Variants in NDC80 observed in about 807,000 individuals in gnomAD.
The protein encoded by NDC80 is NDC80 kinetochore complex component.
In NDC80, 69 loss-of-function variants were observed where a neutral mutation model predicts 89.3. The ratio of observed to expected loss-of-function variants is 0.77; its 90% confidence interval spans 0.64 to 0.94. NDC80 has a LOEUF of 0.94. Among genes scored for constraint, NDC80 ranks in the 40% least tolerant of loss-of-function variants. The probability of loss-of-function intolerance (pLI) is 0.00; values close to 1 mark genes in which losing one functional copy is unlikely to be tolerated. For missense variants in NDC80, 593 were observed against 739.6 expected (o/e 0.80, Z 2.30); for synonymous variants, 243 against 255.6 (o/e 0.95, Z 0.47).
chr18:2,606,797 C>G (rs77641602), intron 14 of NDC80, among the ~76,000 whole-genome samples: 2 of 152,094 alleles, frequency 1.3e-5, no homozygotes, highest in African/African-American at 4.8e-5. Flanking sequence ...CAAAACTAAA[C>G]AGAATCTCTC....
chr18:2,578,127 C>T lies in NDC80; in HGVS notation c.462C>T (p.Ile154=). The change falls in exon 5 of 17, where the codon ATC becomes ATT. Residue 154 remains isoleucine, a synonymous_variant. Transcript: ENST00000261597. ...AGTTTGAAGAAGAGGTTCCAAGAAT[C>T]TTTAAAGACCTTGGGTATGTATATT... is the stretch of plus-strand genomic sequence containing the variant. ...DTKFEEEVPR[I]FKDLGYPFAL... 1 of 1,613,716 alleles carries T rather than the reference C, an allele frequency of 6.2e-7. No homozygotes were observed.
At chr18:2,611,884 A>G (rs546453796) in intron 16 of NDC80, among the ~76,000 whole-genome samples, 3 of 151,930 alleles carry the variant, frequency 2.0e-5, no homozygotes, top group East Asian at 1.9e-4. Context: ...CTTGGTGCCA[A>G]TGGTCTTCAC....
At chr18:2,578,772 A>G (rs1203287698) in intron 5 of NDC80, among the ~76,000 whole-genome samples, 155 bp from the exon 6 acceptor site, 1 of 152,228 alleles carries the variant, frequency 6.6e-6, no homozygotes, top group Non-Finnish European at 1.5e-5. Context: ...CAGAGATAAG[A>G]TGACTAAGGA....
chr18:2,571,937 G>A (rs985321170), intron 1 of NDC80, among the ~76,000 whole-genome samples: 5 of 152,162 alleles, frequency 3.3e-5, no homozygotes, highest in African/African-American at 1.2e-4. Flanking sequence ...AGGCTCGGGA[G>A]AGGAAACGGG....
At chr18:2,572,184 G>T (rs1203822335) in intron 1 of NDC80, among the ~76,000 whole-genome samples, 3 of 152,232 alleles carry the variant, frequency 2.0e-5, no homozygotes, top group Non-Finnish European at 2.9e-5. Flanking sequence ...AAATCAAGAA[G>T]AGTCTAATCA....
chr18:2,577,696 G>T lies in NDC80; in HGVS notation c.180-50G>T, dbSNP rs2072554240. Reference sequence around the variant, plus strand: ...AACTGCCTTGAAATAATTTAGACTTGATCACAGAAGCAAATAGTTTTAACT... The same window carrying T: ...AACTGCCTTGAAATAATTTAGACTTTATCACAGAAGCAAATAGTTTTAACT... On this transcript the variant is annotated intron_variant, in intron 3 of 16. Coordinates refer to ENST00000261597, the MANE Select transcript of NDC80 (RefSeq NM_006101.3). 4 of 1,598,884 alleles carry T rather than the reference G, an allele frequency of 2.5e-6. No homozygotes were observed. In the Admixed American group the frequency reaches 5.3e-5, roughly 21 times the overall value.
chr18:2,573,430 A>G (rs1405068462), intron 2 of NDC80, among the ~76,000 whole-genome samples: 1 of 152,204 alleles, frequency 6.6e-6, no homozygotes, highest in Non-Finnish European at 1.5e-5. Context: ...TCACTGAGAT[A>G]TTTCCAATTA....
At chr18:2,587,605 A>C (rs1029248785) in intron 7 of NDC80, among the ~76,000 whole-genome samples, 1 of 152,176 alleles carries the variant, frequency 6.6e-6, no homozygotes, top group African/African-American at 2.4e-5. Context: ...ATCCAAATTT[A>C]AGTGTTATTT....
rs2072562062 is a variant in NDC80, at chr18:2,578,914, T to G, written c.477-13T>G. 1 of 1,407,868 alleles carries G rather than the reference T, an allele frequency of 7.1e-7. No individual in the cohort carries two copies. The highest frequency in any genetic ancestry group is 1.5e-5 in the South Asian group (1 of 67,784). The allele number at this position is 1,407,868 out of a possible 1,614,324, so 87.2% of individuals were successfully genotyped here. ...AACATTAAATTAGCTTATGTTTTTC[T>G]GATTTCTCATAGGTATCCTTTTGCA... On this transcript the variant is annotated splice_polypyrimidine_tract_variant and intron_variant, in intron 5 of 16. Transcript: ENST00000261597.
At chr18:2,580,126 C>T (rs2072568848) in intron 6 of NDC80, among the ~76,000 whole-genome samples, 1 of 151,802 alleles carries the variant, frequency 6.6e-6, no homozygotes, top group Non-Finnish European at 1.5e-5. Flanking sequence ...TAATAGTTGG[C>T]AACACAACAA....
rs748617554 is a variant in NDC80 at position 2,599,158 on chromosome 18, G to A, written c.1361G>A (p.Arg454Lys). Residue 454 changes from arginine (R) to lysine (K), a missense_variant, in exon 12 of 17, where the codon AGG (arginine) becomes AAG (lysine). Arg to Lys is a conservative substitution (Grantham distance 26). Coordinates refer to ENST00000261597, the MANE Select transcript of NDC80 (RefSeq NM_006101.3). ...GGTGCCAACTGCCTTGTCAAATACA[G>A]GGCTCAAGTTTATGTAAGTAATCAT... is the stretch of plus-strand genomic sequence containing the variant. ...EAGANCLVKY[R>K]AQVYVPLKEL... 1 of 1,608,386 alleles carries A rather than the reference G, an allele frequency of 6.2e-7. No individual in the cohort carries two copies. The highest frequency in any genetic ancestry group is 1.1e-5 in the South Asian group (1 of 89,826).
intron 11 of NDC80, 69 bp downstream of exon 11, chr18:2,595,690 G>C (rs991922880): frequency 5.1e-6 from 7 of 1,359,318 alleles, no homozygotes; most frequent in South Asian, 1.3e-5. Flanking sequence ...TCCCAATTAA[G>C]AAGAAGTCAG....
In NDC80 at chr18:2,595,755, A is replaced by C. The variant is rs1178056437; in HGVS notation, c.1221+134A>C. 8.2e-6 allele frequency: 5 copies of C among 609,994 alleles called. No homozygotes were observed. The East Asian group carries it at 1.4e-4, about 17-fold the overall frequency. 37.8% of individuals were successfully genotyped at this position (609,994 alleles called of 1,614,324 possible). ...AACATTAGCATTGACATTTTAATGA[A>C]ACACTCATCCCTTTATGTCAATTCA... On this transcript the variant is annotated intron_variant, in intron 11 of 16. Transcript: ENST00000261597.
At chr18:2,576,935 T>TA (rs376663640) in intron 3 of NDC80, among the ~76,000 whole-genome samples, 184 of 152,304 alleles carry the variant, frequency 1.2e-3, no homozygotes, top group African/African-American at 4.3e-3. Flanking sequence ...AGAGATGAAG[T>TA]ACTTGTCACC....
intron 3 of NDC80, among the ~76,000 whole-genome samples, chr18:2,575,467 A>G (rs561116070): frequency 6.6e-6 from 1 of 151,914 alleles, no homozygotes; most frequent in South Asian, 2.1e-4. Flanking sequence ...TTTTTTAATT[A>G]GCCAGGCAGG....
In NDC80 at chr18:2,571,611, G is replaced by A. The variant is rs2072512552; in HGVS notation, c.-82G>A. 1 of 152,254 alleles carries A rather than the reference G, an allele frequency of 6.6e-6. No homozygotes were observed. Among genetic ancestry groups the A allele is most frequent in the African/African-American group, 2.4e-5 (1 of 41,474 alleles). 9.4% of individuals were successfully genotyped at this position (152,254 alleles called of 1,614,324 possible). ...AGGACCTGGTGTTTTGATGACCGCT[G>A]TCCTGTCTAGCAGATACTTGCACGG... On this transcript the variant is annotated 5_prime_UTR_variant, in exon 1 of 17. Coordinates refer to ENST00000261597, the MANE Select transcript of NDC80 (RefSeq NM_006101.3).
intron 11 of NDC80, 75 bp from the exon 12 acceptor site, chr18:2,598,944 T>C (rs1336168590): frequency 6.5e-6 from 9 of 1,386,422 alleles, no homozygotes; most frequent in African/African-American, 1.5e-5. Context: ...TTGTATAAAA[T>C]TTTAGAAATG....
rs768848818 is a variant in NDC80 at position 2,578,984 on chromosome 18, G to C, written c.534G>C (p.Trp178Cys). 1 of 1,575,862 alleles carries C rather than the reference G, an allele frequency of 6.3e-7. No individual in the cohort carries two copies. The highest frequency in any genetic ancestry group is 8.6e-7 in the Non-Finnish European group (1 of 1,160,986). The change falls in exon 6 of 17, where the codon TGG (tryptophan) becomes TGC (cysteine). Residue 178 changes from tryptophan to cysteine, a missense_variant. Coordinates refer to ENST00000261597, the MANE Select transcript of NDC80 (RefSeq NM_006101.3). The part of the protein sequence containing the change: ...SMYTVGAPHT[W>C]PHIVAALVWL... ...ACACAGTGGGGGCTCCTCATACATG[G>C]CCTCACATTGTGGCAGCCTTAGTTT...
intron 12 of NDC80, among the ~76,000 whole-genome samples, chr18:2,599,422 C>T (rs1364651183): frequency 6.6e-6 from 1 of 152,098 alleles, no homozygotes; most frequent in African/African-American, 2.4e-5. Flanking sequence ...ATGATCCCCC[C>T]AGAGGAGAAA....
Sources: gnomAD v4.1 joint callset for allele counts (sites outside exome capture counted in the v4.1 genomes callset) on GRCh38, gnomAD v4.1.1 for gene constraint, MANE v1.5 for transcripts, NCBI Gene and HGNC (gene_info 2026-07-23, HGNC 2026-07-21) for gene names.